The following LRRC7 variants were observed in gnomAD, a reference collection of about 807,000 sequenced individuals.
LRRC7 encodes the protein leucine rich repeat containing 7.
Under a neutral mutation model 175.7 loss-of-function variants are expected in LRRC7, and 23 were observed. The observed-to-expected ratio is 0.13, with a 90% confidence interval of 0.09 to 0.19. LRRC7 has a LOEUF of 0.19. LRRC7 is among the 10% of genes least tolerant of loss of function. The pLI is 1.00. For missense variants in LRRC7, 1,354 were observed against 1,904.7 expected (o/e 0.71, Z 5.38); for synonymous variants, 685 against 680.9 (o/e 1.01, Z -0.09).
Position 70,128,049 on chromosome 1 carries a change from C to T in LRRC7, c.*6162C>T, listed in dbSNP as rs1558091802. 6.6e-6 allele frequency among the ~76,000 whole-genome samples: 1 copy of T among 152,110 alleles called. No homozygotes were observed. The highest frequency in any genetic ancestry group is 1.5e-5 in the Non-Finnish European group (1 of 68,028). ...CTATCTTGGCTCACTGTAACTTCCA[C>T]CTCCCGAGTTCAGGCAATTCTCATG... is the stretch of plus-strand genomic sequence containing the variant. On this transcript the variant is annotated 3_prime_UTR_variant, in exon 27 of 27. Coordinates refer to ENST00000651989, the MANE Select transcript of LRRC7 (RefSeq NM_001370785.2).
chr1:69,862,805 C>CA (rs1319344806), intron 7 of LRRC7, among the ~76,000 whole-genome samples: 2 of 152,074 alleles, frequency 1.3e-5, no homozygotes, highest in Non-Finnish European at 2.9e-5. Flanking sequence ...ATCAACCCGT[C>CA]ACCTACTATC....
chr1:69,598,259 G>A (rs1014832466), intron 1 of LRRC7, among the ~76,000 whole-genome samples: 1 of 151,952 alleles, frequency 6.6e-6, no homozygotes, highest in African/African-American at 2.4e-5. Context: ...TATAGTCTAT[G>A]GTAAAGTACC....
chr1:69,704,814 A>G (rs981463018), intron 2 of LRRC7, among the ~76,000 whole-genome samples: 4 of 152,072 alleles, frequency 2.6e-5, no homozygotes, highest in African/African-American at 9.6e-5. Flanking sequence ...AATCAATTAT[A>G]TGTATAAATA....
intron 25 of LRRC7, among the ~76,000 whole-genome samples, chr1:70,097,061 A>G (rs1444297429): frequency 6.6e-6 from 1 of 152,232 alleles, no homozygotes; most frequent in Non-Finnish European, 1.5e-5. Flanking sequence ...GCCTTTTTAA[A>G]AACACATAGG....
At chr1:69,853,533 T>C (rs1209260825) in intron 7 of LRRC7, among the ~76,000 whole-genome samples, 1 of 152,110 alleles carries the variant, frequency 6.6e-6, no homozygotes, top group African/African-American at 2.4e-5. Context: ...CACCTTGGCC[T>C]CCCAAAGTGC....
intron 4 of LRRC7, among the ~76,000 whole-genome samples, chr1:69,809,400 G>A (rs1182410891): frequency 6.6e-6 from 1 of 152,054 alleles, no homozygotes; most frequent in Non-Finnish European, 1.5e-5. Flanking sequence ...TAGAAAATGG[G>A]GGATTCCTCC....
intron 9 of LRRC7, among the ~76,000 whole-genome samples, chr1:69,984,543 A>G (rs1386441499): frequency 6.6e-6 from 1 of 151,972 alleles, no homozygotes; most frequent in African/African-American, 2.4e-5. Flanking sequence ...GAAAATGAGG[A>G]CCTTTGCCCT....
At chr1:69,624,729 C>G (rs1191479411) in intron 1 of LRRC7, among the ~76,000 whole-genome samples, 1 of 152,052 alleles carries the variant, frequency 6.6e-6, no homozygotes, top group South Asian at 2.1e-4. Flanking sequence ...ATATGACTAT[C>G]CAATTCACCT....
intron 25 of LRRC7, among the ~76,000 whole-genome samples, chr1:70,104,124 G>GAT (rs1664986973): frequency 6.6e-6 from 1 of 152,180 alleles, no homozygotes; most frequent in Non-Finnish European, 1.5e-5. Context: ...GAAGTTAGGA[G>GAT]ATAGCTTTTC....
intron 8 of LRRC7, among the ~76,000 whole-genome samples, chr1:69,955,405 GA>G (rs1650388008): frequency 6.6e-6 from 1 of 151,910 alleles, no homozygotes; most frequent in South Asian, 2.1e-4. Flanking sequence ...ACCAGGCTAA[GA>G]AAAGGAGGAG....
intron 2 of LRRC7, among the ~76,000 whole-genome samples, chr1:69,719,730 T>C (rs1037307188): frequency 2.0e-5 from 3 of 151,682 alleles, no homozygotes; most frequent in East Asian, 1.9e-4. Context: ...AAATAATTCA[T>C]GTATATTGTA....
chr1:69,717,928 AAAAG>A (rs201977986), intron 2 of LRRC7, among the ~76,000 whole-genome samples: 33,630 of 55,742 alleles, frequency 0.6, 8,573 homozygotes, highest in East Asian at 0.72. Flanking sequence ...AGAAAAAAAG[AAAAG>A]AAAGAAAGAA....
intron 26 of LRRC7, among the ~76,000 whole-genome samples, chr1:70,121,210 T>C (rs1056296523): frequency 6.6e-6 from 1 of 152,040 alleles, no homozygotes; most frequent in African/African-American, 2.4e-5. Context: ...ACTGGATTGA[T>C]TGAGAACCAC....
intron 1 of LRRC7, among the ~76,000 whole-genome samples, chr1:69,649,695 G>A (rs975807948): frequency 6.6e-6 from 1 of 152,100 alleles, no homozygotes; most frequent in Non-Finnish European, 1.5e-5. Context: ...CCATGCACAT[G>A]CAATTCCATG....
At chr1:69,599,443 T>C (rs954428601) in intron 1 of LRRC7, among the ~76,000 whole-genome samples, 1 of 152,224 alleles carries the variant, frequency 6.6e-6, no homozygotes, top group Non-Finnish European at 1.5e-5. Flanking sequence ...TAAAATGAAC[T>C]CTAGTCTTTA....
At chr1:70,001,955 G>A (rs780471146) in intron 11 of LRRC7, among the ~76,000 whole-genome samples, 2 of 152,136 alleles carry the variant, frequency 1.3e-5, no homozygotes, top group African/African-American at 2.4e-5. Flanking sequence ...GCAGAGAGAA[G>A]TCACCAGACT....
rs1249513428 is a variant in LRRC7, at chr1:70,089,793, G to A, written c.4519G>A (p.Gly1507Arg). The change falls in exon 25 of 27, where the codon GGA becomes AGA. Residue 1507 changes from glycine to arginine, a missense_variant. By Grantham distance (125) the Gly-to-Arg change is moderately radical. Coordinates refer to ENST00000651989, the MANE Select transcript of LRRC7 (RefSeq NM_001370785.2). ...FSISGGISGQ[G>R]NPFKPSDKGI... ...TATCAGTGGTGGAATTAGTGGACAA[G>A]GAAATCCATTCAAACCTTCTGACAA... 1 of 1,608,244 alleles carries A rather than the reference G, an allele frequency of 6.2e-7. No individual in the cohort carries two copies. The highest frequency in any genetic ancestry group is 8.5e-7 in the Non-Finnish European group (1 of 1,176,252).
chr1:69,698,952 T>G (rs1205346990), intron 2 of LRRC7, among the ~76,000 whole-genome samples: 1 of 152,180 alleles, frequency 6.6e-6, no homozygotes, highest in African/African-American at 2.4e-5. Context: ...CTATAAAGTA[T>G]AGTCAAACTT....
chr1:69,754,098 G>A (rs1404414540), intron 2 of LRRC7, among the ~76,000 whole-genome samples: 1 of 151,996 alleles, frequency 6.6e-6, no homozygotes, highest in Non-Finnish European at 1.5e-5. Flanking sequence ...GTGTGAATCT[G>A]GAAGACAAGA....
Sources: gnomAD v4.1 joint callset for allele counts (sites outside exome capture counted in the v4.1 genomes callset) on GRCh38, gnomAD v4.1.1 for gene constraint, MANE v1.5 for transcripts, NCBI Gene and HGNC (gene_info 2026-07-23, HGNC 2026-07-21) for gene names.